The following AFF2 variants were observed in gnomAD, a reference collection of about 807,000 sequenced individuals.
The protein encoded by AFF2 is ALF transcription elongation factor 2.
Under a neutral mutation model 76.9 loss-of-function variants are expected in AFF2, and 14 were observed. That is an observed-to-expected ratio of 0.18 (90% confidence interval 0.12 to 0.28). The LOEUF (loss-of-function observed/expected upper bound fraction) is 0.28. Ranked by LOEUF, AFF2 falls within the 10% of genes least tolerant of loss-of-function variation. The pLI, the probability that AFF2 is intolerant of heterozygous loss-of-function variation, is 1.00. For missense variants in AFF2, 868 were observed against 1,001.1 expected (o/e 0.87, Z 1.79); for synonymous variants, 398 against 366.7 (o/e 1.09, Z -0.98).
intron 3 of AFF2, among the ~76,000 whole-genome samples, chrX:148,807,160 C>G (rs1557271420): frequency 8.9e-6 from 1 of 112,150 alleles, no homozygotes; most frequent in Non-Finnish European, 1.9e-5. Context: ...CCAGAGTCCA[C>G]AACTCTTTCT....
chrX:148,902,149 C>A (rs2124200653), intron 8 of AFF2, among the ~76,000 whole-genome samples: 1 of 112,068 alleles, frequency 8.9e-6, no homozygotes, highest in African/African-American at 3.2e-5. Flanking sequence ...GTCTAATTGA[C>A]AGTTCCAAAG....
intron 4 of AFF2, among the ~76,000 whole-genome samples, chrX:148,834,579 A>AT (rs1272557796): frequency 5.6e-5 from 6 of 107,951 alleles, no homozygotes; most frequent in Non-Finnish European, 1.1e-4. Flanking sequence ...AAGAGAAGTG[A>AT]TTCTTGGTGT....
At chrX:148,773,462 A>T (rs1335348896) in intron 3 of AFF2, among the ~76,000 whole-genome samples, 1 of 110,221 alleles carries the variant, frequency 9.1e-6, no homozygotes, top group African/African-American at 3.3e-5. Context: ...AAACCAGTTG[A>T]GGGCCAGGGC....
intron 7 of AFF2, among the ~76,000 whole-genome samples, chrX:148,884,590 C>T (rs2071135377): frequency 8.9e-6 from 1 of 112,753 alleles, no homozygotes; most frequent in Admixed American, 9.4e-5. Context: ...TTCAGCAAAG[C>T]AATTCACCTC....
chrX:148,545,720 G>C (rs1209627276), intron 1 of AFF2, among the ~76,000 whole-genome samples: 1 of 109,398 alleles, frequency 9.1e-6, no homozygotes, highest in Non-Finnish European at 1.9e-5. Context: ...CTCCACATCA[G>C]AGTTACCTGG....
chrX:148,509,671 T>C (rs1481397935), intron 1 of AFF2, among the ~76,000 whole-genome samples: 1 of 112,632 alleles, frequency 8.9e-6, no homozygotes, highest in Non-Finnish European at 1.9e-5. Flanking sequence ...CTTGAGATGT[T>C]CACAAATACA....
Position 148,991,982 on chromosome X carries a change from C to T in AFF2, c.*650C>T, listed in dbSNP as rs1255697475. 2 of 111,973 alleles carry T rather than the reference C, an allele frequency of 1.8e-5. No individual in the cohort carries two copies. Among genetic ancestry groups the T allele is most frequent in the Non-Finnish European group, 3.8e-5 (2 of 53,234 alleles). The allele number at this position is 111,973 out of a possible 1,213,427, so 9.2% of individuals were successfully genotyped here. A position where few individuals can be genotyped will look rare whatever the true frequency, so the allele number is the denominator to read the frequency against. ...TCTTGTTAGCATCCCTTTCCTGATTCCCTATTTTGTTAATTTTAATGATAA... is the reference window on the plus strand; with the variant it reads ...TCTTGTTAGCATCCCTTTCCTGATTTCCTATTTTGTTAATTTTAATGATAA... On this transcript the variant is annotated 3_prime_UTR_variant, in exon 21 of 21. Transcript: ENST00000370460.
chrX:148,795,493 A>C (rs1006900751), intron 3 of AFF2, among the ~76,000 whole-genome samples: 7 of 108,964 alleles, frequency 6.4e-5, no homozygotes, highest in African/African-American at 2.3e-4. Flanking sequence ...TTAGAAATTA[A>C]TAAAGCATAT....
At chrX:148,886,106 G>A (rs781963071) in intron 8 of AFF2, 121 bp downstream of exon 8, 3 of 550,575 alleles carry the variant, frequency 5.4e-6, no homozygotes. Context: ...TTTGGAGAGA[G>A]GGAAAGAAGC....
At chrX:148,770,469 G>A (rs1338177105) in intron 3 of AFF2, among the ~76,000 whole-genome samples, 1 of 111,825 alleles carries the variant, frequency 8.9e-6, no homozygotes, top group Non-Finnish European at 1.9e-5. Context: ...GTAAAGTTGG[G>A]GGTATCATTC....
Position 148,794,827 on chromosome X carries a change from G to C in AFF2, c.1042-15049G>C, listed in dbSNP as rs1187655763. On this transcript the variant is annotated intron_variant, in intron 3 of 20. Transcript: ENST00000370460. ...TGTCTCCTGGATTGCTATGGCTCTA[G>C]TGGGAACTACATGGATAAATCTATG... Among the ~76,000 whole-genome samples the C allele has an allele frequency of 3.6e-5, 4 of 111,275 alleles. No individual in the cohort carries two copies. The Admixed American group carries it at 3.8e-4, about 11-fold the overall frequency.
chrX:148,866,798 T>G (rs2070912905), intron 7 of AFF2, among the ~76,000 whole-genome samples: 1 of 112,656 alleles, frequency 8.9e-6, no homozygotes, highest in African/African-American at 3.2e-5. Flanking sequence ...TAATAAGGAA[T>G]TCAAAGAATG....
At chrX:148,971,306 G>T (rs1440477222) in intron 15 of AFF2, among the ~76,000 whole-genome samples, 2 of 102,338 alleles carry the variant, frequency 2.0e-5, no homozygotes, top group African/African-American at 3.6e-5. Context: ...CTGTCCTTTT[G>T]TCTAAGTGAG....
chrX:148,500,872 A>G lies in AFF2; in HGVS notation c.-226A>G. The G allele has an allele frequency of 2.9e-6, 1 of 340,934 alleles. No homozygotes were observed. The highest frequency in any genetic ancestry group is 6.1e-5 in the Admixed American group (1 of 16,406). 28.1% of individuals were successfully genotyped at this position (340,934 alleles called of 1,213,427 possible). ...ACCGAGCGGACCCGAGTGGGCGACC[A>G]GGCGCTTGCCCGCCCAGTGCCACTG... On this transcript the variant is annotated 5_prime_UTR_variant, in exon 1 of 21. Transcript: ENST00000370460.
chrX:148,943,192 A>C (rs2071860909), intron 9 of AFF2, among the ~76,000 whole-genome samples: 1 of 112,226 alleles, frequency 8.9e-6, no homozygotes, highest in African/African-American at 3.2e-5. Flanking sequence ...TTTGCCATTC[A>C]CTTAGATTTC....
At chrX:148,857,777 A>C (rs1358432249) in intron 7 of AFF2, among the ~76,000 whole-genome samples, 2 of 111,335 alleles carry the variant, frequency 1.8e-5, no homozygotes, top group Admixed American at 9.6e-5. Flanking sequence ...AACTCCTAGA[A>C]ACCTGTTCAA....
At chrX:148,801,774 C>G (rs949520634) in intron 3 of AFF2, among the ~76,000 whole-genome samples, 1 of 111,566 alleles carries the variant, frequency 9.0e-6, no homozygotes, top group Non-Finnish European at 1.9e-5. Flanking sequence ...AAACAAAAAC[C>G]TTGACTCCAC....
In AFF2 at chrX:148,735,783, G is replaced by A. The variant is rs141273949; in HGVS notation, c.1041+73015G>A. On this transcript the variant is annotated intron_variant, in intron 3 of 20. Coordinates refer to ENST00000370460, the MANE Select transcript of AFF2 (RefSeq NM_002025.4). ...CCTCACCCCTCTCCCACTCTTCCCCGCAAGTCCCCAAAGTCCATTGTATCA... is the reference window on the plus strand; with the variant it reads ...CCTCACCCCTCTCCCACTCTTCCCCACAAGTCCCCAAAGTCCATTGTATCA... 3.3e-3 allele frequency among the ~76,000 whole-genome samples: 368 copies of A among 110,514 alleles called. 2 individuals are homozygous for A. The highest frequency in any genetic ancestry group is 0.011 in the African/African-American group (348 of 30,380).
chrX:148,624,445 A>G (rs1186494307), intron 1 of AFF2, among the ~76,000 whole-genome samples: 1 of 112,260 alleles, frequency 8.9e-6, no homozygotes, highest in Non-Finnish European at 1.9e-5. Flanking sequence ...ACCTGCTTCA[A>G]TATATATCTT....
Sources: allele counts gnomAD v4.1 joint callset (sites outside exome capture counted in the v4.1 genomes callset), GRCh38; gene constraint gnomAD v4.1.1; transcripts MANE v1.5; gene names NCBI Gene and HGNC (gene_info 2026-07-23, HGNC 2026-07-21).